CNTNAP5: variants seen among roughly 807,000 people sequenced by gnomAD.
The protein encoded by CNTNAP5 is contactin associated protein family member 5, also known as contactin-associated protein-like 5.
A neutral mutation model predicts 150.2 loss-of-function variants in CNTNAP5; 72 were observed. That is an observed-to-expected ratio of 0.48 (90% CI 0.40 to 0.58). The LOEUF is 0.58. Among genes scored for constraint, CNTNAP5 ranks in the 20% least tolerant of loss-of-function variants. The pLI is 0.00. For synonymous variants in CNTNAP5, 672 were observed against 619.8 expected, an observed-to-expected ratio of 1.08 and a Z score of -1.25; for missense variants, 1,636 against 1,626.2, an observed-to-expected ratio of 1.01 and a Z score of -0.10.
At chr2:124,884,656 C>T (rs766246260) in intron 21 of CNTNAP5, among the ~76,000 whole-genome samples, 7 of 152,072 alleles carry the variant, frequency 4.6e-5, no homozygotes, top group African/African-American at 9.6e-5. Context: ...ACTTTCCCAT[C>T]GCTTGCTTAG....
At chr2:124,342,149 A>T (rs939973582) in intron 3 of CNTNAP5, among the ~76,000 whole-genome samples, 1 of 152,218 alleles carries the variant, frequency 6.6e-6, no homozygotes, top group Admixed American at 6.5e-5. Flanking sequence ...ATTTTTACCA[A>T]AGATAATCAC....
intron 3 of CNTNAP5, among the ~76,000 whole-genome samples, chr2:124,396,620 CAG>C (rs1245603381): frequency 2.6e-5 from 4 of 152,118 alleles, no homozygotes; most frequent in African/African-American, 9.7e-5. Context: ...AATACAGTGT[CAG>C]AGTCTTCTTT....
chr2:124,100,715 A>G (rs1278504803), intron 1 of CNTNAP5, among the ~76,000 whole-genome samples: 1 of 147,744 alleles, frequency 6.8e-6, no homozygotes, highest in Non-Finnish European at 1.5e-5. Flanking sequence ...AAATACAAAA[A>G]TTAGCCAGGC....
intron 3 of CNTNAP5, among the ~76,000 whole-genome samples, chr2:124,400,667 T>A (rs1304196506): frequency 1.4e-5 from 1 of 72,460 alleles, no homozygotes. Context: ...GATAAAGGCA[T>A]TGTTTTTTTT....
At chr2:124,099,267 G>C (rs760388493) in intron 1 of CNTNAP5, among the ~76,000 whole-genome samples, 4 of 152,126 alleles carry the variant, frequency 2.6e-5, no homozygotes, top group African/African-American at 4.8e-5. Flanking sequence ...CCATATCCAG[G>C]AAGACTCCGC....
At chr2:124,910,901 TC>T (rs1678641137) in intron 22 of CNTNAP5, among the ~76,000 whole-genome samples, 1 of 151,968 alleles carries the variant, frequency 6.6e-6, no homozygotes, top group Non-Finnish European at 1.5e-5. Context: ...TTCCTCAATG[TC>T]ACCAGACCAA....
At position 124,918,795 on chromosome 2, in the gene CNTNAP5, A is replaced by G. The variant is rs1274570650; in HGVS notation, c.*4507A>G. Among the ~76,000 whole-genome samples the G allele has an allele frequency of 6.6e-6, 1 of 152,146 alleles. No homozygotes were observed. The highest frequency in any genetic ancestry group is 2.4e-5 in the African/African-American group (1 of 41,462). On this transcript the variant is annotated 3_prime_UTR_variant, in exon 24 of 24. Coordinates refer to ENST00000682447, the MANE Select transcript of CNTNAP5 (RefSeq NM_001367498.1). ...CCTACAGGTCATGTATCGACTAAAT[A>G]AATAAACTGACTTCATTGTTTCTGA...
chr2:124,524,761 T>G (rs1321802525), intron 9 of CNTNAP5, among the ~76,000 whole-genome samples: 2 of 152,140 alleles, frequency 1.3e-5, no homozygotes, highest in African/African-American at 2.4e-5. Flanking sequence ...TGTAATCACA[T>G]GGGAAAGGAG....
intron 11 of CNTNAP5, among the ~76,000 whole-genome samples, chr2:124,598,422 C>T (rs1412319286): frequency 2.2e-5 from 3 of 133,560 alleles, no homozygotes; most frequent in African/African-American, 5.6e-5. Context: ...GTCAGTGTGC[C>T]CCTGCTGGGG....
intron 3 of CNTNAP5, among the ~76,000 whole-genome samples, chr2:124,380,230 C>T (rs951049924): frequency 6.6e-6 from 1 of 151,786 alleles, no homozygotes; most frequent in Non-Finnish European, 1.5e-5. Flanking sequence ...GTACACCATC[C>T]CATTTATTTT....
intron 10 of CNTNAP5, among the ~76,000 whole-genome samples, chr2:124,541,064 C>T (rs532744889): frequency 6.6e-6 from 1 of 152,050 alleles, no homozygotes; most frequent in South Asian, 2.1e-4. Flanking sequence ...TTGTCCTCTC[C>T]ATGGCTTTCT....
chr2:124,285,267 A>T (rs972698411), intron 3 of CNTNAP5, among the ~76,000 whole-genome samples: 8 of 152,130 alleles, frequency 5.3e-5, no homozygotes, highest in Non-Finnish European at 1.0e-4. Context: ...ATGAGCTAAC[A>T]CCACTTTGAT....
intron 3 of CNTNAP5, among the ~76,000 whole-genome samples, chr2:124,280,652 G>C (rs1000867873): frequency 1.3e-5 from 2 of 152,006 alleles, no homozygotes; most frequent in South Asian, 4.1e-4. Flanking sequence ...CTATTATTTA[G>C]CTCTAGATAA....
chr2:124,108,856 T>A (rs760658370), intron 1 of CNTNAP5, among the ~76,000 whole-genome samples: 18 of 152,206 alleles, frequency 1.2e-4, no homozygotes, highest in Non-Finnish European at 2.6e-4. Flanking sequence ...CTTGAGTTTA[T>A]AAGGCTCATG....
chr2:124,627,198 C>A (rs1054941630), intron 12 of CNTNAP5, among the ~76,000 whole-genome samples: 1 of 152,118 alleles, frequency 6.6e-6, no homozygotes, highest in Non-Finnish European at 1.5e-5. Context: ...GAGGAGGATT[C>A]CCCCCAGCAC....
At chr2:124,284,842 AT>A (rs1462130764) in intron 3 of CNTNAP5, among the ~76,000 whole-genome samples, 2 of 152,124 alleles carry the variant, frequency 1.3e-5, no homozygotes, top group Admixed American at 1.3e-4. Context: ...GCAGTAGGCT[AT>A]CCCCAAGAAC....
At chr2:124,750,083 TGATCATTCCA>T (rs1680693426) in intron 14 of CNTNAP5, among the ~76,000 whole-genome samples, 1 of 152,204 alleles carries the variant, frequency 6.6e-6, no homozygotes, top group African/African-American at 2.4e-5. Flanking sequence ...TCTCTCACCT[TGATCATTCCA>T]GAAGTTATTA....
intron 1 of CNTNAP5, among the ~76,000 whole-genome samples, chr2:124,124,265 G>A (rs1460281024): frequency 6.6e-6 from 1 of 152,210 alleles, no homozygotes; most frequent in Non-Finnish European, 1.5e-5. Context: ...TGTGACGCAT[G>A]TGCAAGCTTC....
chr2:124,233,037 G>T (rs1215503429), intron 2 of CNTNAP5, among the ~76,000 whole-genome samples: 2 of 93,932 alleles, frequency 2.1e-5, no homozygotes, highest in African/African-American at 7.6e-5. Context: ...TTTTGTATCT[G>T]TGGGTTTTTT....
Sources: allele counts gnomAD v4.1 joint callset (sites outside exome capture counted in the v4.1 genomes callset), GRCh38; gene constraint gnomAD v4.1.1; transcripts MANE v1.5; gene names NCBI Gene and HGNC (gene_info 2026-07-23, HGNC 2026-07-21).